The following OSTF1 variants were observed in gnomAD, a reference collection of about 807,000 sequenced individuals.
OSTF1 encodes the protein osteoclast-stimulating factor 1.
In OSTF1, 27 loss-of-function variants were observed where a neutral mutation model predicts 37.2. That is an observed-to-expected ratio of 0.73 (90% CI 0.54 to 1.00). The LOEUF is 1.00. Among genes scored for constraint, OSTF1 ranks in the 50% least tolerant of loss-of-function variants. The probability of loss-of-function intolerance (pLI) is 0.00; values close to 1 mark genes in which losing one functional copy is unlikely to be tolerated. For missense variants in OSTF1, 232 were observed against 253.8 expected, an observed-to-expected ratio of 0.91 and a Z score of 0.58; for synonymous variants, 82 against 89.2, an observed-to-expected ratio of 0.92 and a Z score of 0.46.
chr9:75,133,235 G>A (rs7040349), intron 5 of OSTF1, 59 bp from the exon 6 acceptor site: 259,266 of 1,070,304 alleles, frequency 0.24, 32,494 homozygotes, highest in Admixed American at 0.26. Flanking sequence ...TGATTTAAAA[G>A]CAAAATAAAA....
At chr9:75,144,506 T>C (rs557878557) in intron 9 of OSTF1, among the ~76,000 whole-genome samples, 3 of 152,246 alleles carry the variant, frequency 2.0e-5, no homozygotes, top group Non-Finnish European at 4.4e-5. Context: ...GAGCCATGAT[T>C]GTACCACTGC....
chr9:75,134,206 T>C, intron 6 of OSTF1, 140 bp from the exon 7 acceptor site: 1 of 508,580 alleles, frequency 2.0e-6, no homozygotes, highest in Admixed American at 3.9e-5. Context: ...AGTTTTTCTA[T>C]TTTATAAATT....
chr9:75,141,871 C>T (rs1386032955), intron 9 of OSTF1, among the ~76,000 whole-genome samples: 2 of 152,056 alleles, frequency 1.3e-5, no homozygotes, highest in Admixed American at 1.3e-4. Context: ...TCTCAGCTTC[C>T]TGAGAAAATG....
intron 7 of OSTF1, among the ~76,000 whole-genome samples, chr9:75,136,014 TC>T (rs1478766664): frequency 6.6e-6 from 1 of 152,168 alleles, no homozygotes; most frequent in Non-Finnish European, 1.5e-5. Flanking sequence ...TGGGATAATG[TC>T]CCTTTTGAAG....
chr9:75,104,880 C>T (rs1371172123), intron 1 of OSTF1, among the ~76,000 whole-genome samples: 1 of 152,112 alleles, frequency 6.6e-6, no homozygotes, highest in Non-Finnish European at 1.5e-5. Flanking sequence ...GCTGCCACTC[C>T]CTAATTGTGT....
At chr9:75,145,172 T>TATC (rs1564172076) in intron 9 of OSTF1, among the ~76,000 whole-genome samples, 227 of 63,522 alleles carry the variant, frequency 3.6e-3, no homozygotes, top group African/African-American at 0.022. Flanking sequence ...CCTATCTATC[T>TATC]ATCTAATCTA....
intron 1 of OSTF1, among the ~76,000 whole-genome samples, chr9:75,115,802 T>C (rs1825478820): frequency 6.6e-6 from 1 of 151,750 alleles, no homozygotes; most frequent in South Asian, 2.1e-4. Context: ...TCAGGAAAAA[T>C]ACTAAAAAAT....
In OSTF1 at chr9:75,133,284, ATTCT is replaced by A. The variant is rs762840354; in HGVS notation, c.251-6_251-3del. On this transcript the variant is annotated splice_polypyrimidine_tract_variant and splice_region_variant and intron_variant, in intron 5 of 9. Coordinates refer to ENST00000346234, the MANE Select transcript of OSTF1 (RefSeq NM_012383.5). ...TTTCTTGTGTTCTTGTAAATGTAAA[ATTCT>A]TTCAGGCAACTTGAGCTGGTTGAGA... 11 of 1,545,580 alleles carry A rather than the reference ATTCT, an allele frequency of 7.1e-6. No homozygotes were observed. In the South Asian group the frequency reaches 1.3e-4, roughly 18 times the overall value.
chr9:75,108,253 TAATC>T (rs1172617069), intron 1 of OSTF1, among the ~76,000 whole-genome samples: 3 of 146,656 alleles, frequency 2.0e-5, no homozygotes, highest in East Asian at 1.9e-4. Context: ...ATTAATTAAT[TAATC>T]AAAGAAAAAA....
intron 8 of OSTF1, among the ~76,000 whole-genome samples, chr9:75,139,026 A>ACTTCTTTCTTTCTTTCTTTCTTTCCTTC (rs1564169675): frequency 1.6e-5 from 1 of 61,338 alleles, no homozygotes; most frequent in African/African-American, 6.3e-5. Flanking sequence ...ATTTGGGGAC[A>ACTTCTTTCTTTCTTTCTTTCTTTCCTTC]CTTCTTTCTT....
chr9:75,102,671 C>G (rs568659103), intron 1 of OSTF1, among the ~76,000 whole-genome samples: 102 of 152,336 alleles, frequency 6.7e-4, no homozygotes, highest in African/African-American at 2.2e-3. Flanking sequence ...ACCCCGCTTC[C>G]TGAACCCCAG....
At chr9:75,141,052 A>G (rs1165692592) in intron 9 of OSTF1, 120 bp downstream of exon 9, 2 of 643,008 alleles carry the variant, frequency 3.1e-6, no homozygotes, top group Non-Finnish European at 5.2e-6. Context: ...TAATCCCAGC[A>G]CTTTGGGAGG....
intron 1 of OSTF1, among the ~76,000 whole-genome samples, chr9:75,112,281 ATT>A (rs1825405191): frequency 6.6e-6 from 1 of 152,182 alleles, no homozygotes; most frequent in African/African-American, 2.4e-5. Context: ...CAGTATTATT[ATT>A]ATTGTTTTCT....
At chr9:75,089,269 A>C (rs916902077) in intron 1 of OSTF1, among the ~76,000 whole-genome samples, 10 of 148,764 alleles carry the variant, frequency 6.7e-5, no homozygotes, top group Non-Finnish European at 1.5e-4. Context: ...TTAGAAAAAA[A>C]CCCTATACTC....
rs1284861062 is a variant in OSTF1, at chr9:75,089,415, T to C, written c.34+689T>C. ...CTAAACCTGAGAGGGCTGAGATTACTAAATTCCTCAAAGCAGTTTTCTGGG... is the reference window on the plus strand; with the variant it reads ...CTAAACCTGAGAGGGCTGAGATTACCAAATTCCTCAAAGCAGTTTTCTGGG... On this transcript the variant is annotated intron_variant, in intron 1 of 9. Coordinates refer to ENST00000346234, the MANE Select transcript of OSTF1 (RefSeq NM_012383.5). Among the ~76,000 whole-genome samples, 7 of 152,238 alleles carry C rather than the reference T, an allele frequency of 4.6e-5. No individual in the cohort carries two copies. The East Asian group carries it at 1.3e-3, about 29-fold the overall frequency.
chr9:75,144,529 G>A (rs943844271), intron 9 of OSTF1, among the ~76,000 whole-genome samples: 2 of 152,150 alleles, frequency 1.3e-5, no homozygotes, highest in Non-Finnish European at 2.9e-5. Flanking sequence ...TGCAGCCTGG[G>A]TGACAGAATG....
chr9:75,111,942 G>A (rs1825398636), intron 1 of OSTF1, among the ~76,000 whole-genome samples: 1 of 141,032 alleles, frequency 7.1e-6, no homozygotes, highest in Admixed American at 7.8e-5. Context: ...TCCTGCCTCA[G>A]CCTCCTGAGT....
At chr9:75,115,100 G>A (rs1478959632) in intron 1 of OSTF1, among the ~76,000 whole-genome samples, 2 of 152,078 alleles carry the variant, frequency 1.3e-5, no homozygotes, top group African/African-American at 4.8e-5. Flanking sequence ...ATTCTATGGT[G>A]TTATATCATA....
At chr9:75,090,684 A>G in intron 1 of OSTF1, among the ~76,000 whole-genome samples, 1 of 152,108 alleles carries the variant, frequency 6.6e-6, no homozygotes, top group East Asian at 1.9e-4. Flanking sequence ...GAAAAAAAAA[A>G]AGCGATGGCC....
Sources: allele counts gnomAD v4.1 joint callset (sites outside exome capture counted in the v4.1 genomes callset), GRCh38; gene constraint gnomAD v4.1.1; transcripts MANE v1.5; gene names NCBI Gene and HGNC (gene_info 2026-07-23, HGNC 2026-07-21).